The following LRFN5 variants were observed in gnomAD, a reference collection of about 807,000 sequenced individuals.
LRFN5 encodes leucine rich repeat and fibronectin type III domain containing 5, also known as leucine-rich repeat and fibronectin type-III domain-containing protein 5.
LRFN5 carries 24 observed loss-of-function variants against 45.6 expected under a neutral mutation model. The ratio of observed to expected loss-of-function variants is 0.53; its 90% CI spans 0.38 to 0.74. The LOEUF (loss-of-function observed/expected upper bound fraction) is 0.74. LRFN5 is among the 30% of genes least tolerant of loss of function. The pLI is 0.00. For synonymous variants in LRFN5, 340 were observed against 313.8 expected, an observed-to-expected ratio of 1.08 and a Z score of -0.88; for missense variants, 776 against 861.5, an observed-to-expected ratio of 0.90 and a Z score of 1.24.
At chr14:41,880,112 A>G (rs1345260904) in intron 2 of LRFN5, among the ~76,000 whole-genome samples, 2 of 151,202 alleles carry the variant, frequency 1.3e-5, no homozygotes, top group Non-Finnish European at 2.9e-5. Flanking sequence ...TATTTTTAGT[A>G]GAGATGGGGT....
chr14:41,895,105 T>G (rs1392832302), intron 4 of LRFN5: 18 of 959,116 alleles, frequency 1.9e-5, no homozygotes, highest in Non-Finnish European at 2.2e-5. Context: ...GATGTTTACT[T>G]CAAACTTTTT....
intron 1 of LRFN5, among the ~76,000 whole-genome samples, chr14:41,610,963 A>G (rs893739109): frequency 3.3e-5 from 5 of 152,136 alleles, no homozygotes; most frequent in Admixed American, 1.3e-4. Context: ...ACTCATACCT[A>G]TCTAGAGAGT....
At chr14:41,729,543 G>A (rs567729784) in intron 1 of LRFN5, among the ~76,000 whole-genome samples, 2 of 152,032 alleles carry the variant, frequency 1.3e-5, no homozygotes, top group South Asian at 2.1e-4. Context: ...CAACATTATA[G>A]TATTACCTAT....
chr14:41,688,760 T>C (rs1882232803), intron 1 of LRFN5, among the ~76,000 whole-genome samples: 2 of 152,038 alleles, frequency 1.3e-5, no homozygotes, highest in Admixed American at 6.6e-5. Flanking sequence ...CAGAGGTCAA[T>C]GTAGACCTGG....
chr14:41,737,143 C>T (rs1259333613), intron 1 of LRFN5, among the ~76,000 whole-genome samples: 2 of 152,112 alleles, frequency 1.3e-5, no homozygotes, highest in Non-Finnish European at 2.9e-5. Context: ...CATTAAAAAG[C>T]CTATCCACCA....
chr14:41,816,851 A>C (rs1887935484), intron 2 of LRFN5, among the ~76,000 whole-genome samples: 1 of 151,994 alleles, frequency 6.6e-6, no homozygotes, highest in African/African-American at 2.4e-5. Context: ...GTGGTTTCAA[A>C]TATTTACTAT....
chr14:41,877,927 A>G (rs1890242324), intron 2 of LRFN5, among the ~76,000 whole-genome samples: 1 of 152,098 alleles, frequency 6.6e-6, no homozygotes, highest in African/African-American at 2.4e-5. Flanking sequence ...AATTTATTAC[A>G]TTCAATGTAC....
rs1211996024 is a variant in LRFN5 at position 41,764,973 on chromosome 14, T to A, written c.-196-1881T>A. ...ACTTTACCAGCTAAGATTACGCTTATGGTAGATGTGCACTGTTAGAATGGA... is the reference window on the plus strand; with the variant it reads ...ACTTTACCAGCTAAGATTACGCTTAAGGTAGATGTGCACTGTTAGAATGGA... On this transcript the variant is annotated intron_variant, in intron 1 of 5. Transcript: ENST00000298119. Among the ~76,000 whole-genome samples the A allele has an allele frequency of 2.0e-5, 3 of 152,224 alleles. No homozygotes were observed. The East Asian group carries it at 5.8e-4, about 29-fold the overall frequency.
At chr14:41,732,592 A>C (rs978866526) in intron 1 of LRFN5, among the ~76,000 whole-genome samples, 1 of 152,164 alleles carries the variant, frequency 6.6e-6, no homozygotes, top group Non-Finnish European at 1.5e-5. Flanking sequence ...AAAACGAAAC[A>C]TAAACAAAAA....
intron 2 of LRFN5, among the ~76,000 whole-genome samples, chr14:41,841,329 C>T (rs1359599161): frequency 1.3e-5 from 2 of 151,878 alleles, no homozygotes; most frequent in African/African-American, 4.8e-5. Flanking sequence ...AATGGCTTCA[C>T]TGGATGGAAA....
At chr14:41,896,239 C>A (rs538407825) in intron 4 of LRFN5, among the ~76,000 whole-genome samples, 1 of 152,134 alleles carries the variant, frequency 6.6e-6, no homozygotes, top group Admixed American at 6.5e-5. Context: ...GCAAATTAGA[C>A]ATTTCTTAAG....
intron 2 of LRFN5, among the ~76,000 whole-genome samples, chr14:41,873,424 A>G (rs1326104694): frequency 3.1e-5 from 1 of 32,672 alleles, no homozygotes; most frequent in African/African-American, 7.8e-5. Context: ...AGAGACAGAG[A>G]GAGAGAGAGA....
intron 3 of LRFN5, among the ~76,000 whole-genome samples, chr14:41,889,506 C>T (rs1331061732): frequency 1.3e-5 from 2 of 152,046 alleles, no homozygotes; most frequent in Non-Finnish European, 2.9e-5. Context: ...CCCTCCCCAC[C>T]CCACACTTTT....
intron 2 of LRFN5, among the ~76,000 whole-genome samples, chr14:41,884,109 C>T (rs1212382916): frequency 6.6e-6 from 1 of 152,176 alleles, no homozygotes; most frequent in African/African-American, 2.4e-5. Flanking sequence ...AGACTCTGCT[C>T]TCCAATCTTT....
chr14:41,838,960 G>C (rs1888761465), intron 2 of LRFN5, among the ~76,000 whole-genome samples: 1 of 151,982 alleles, frequency 6.6e-6, no homozygotes, highest in South Asian at 2.1e-4. Flanking sequence ...TCTCCCTTAT[G>C]GAGACAGGGA....
At chr14:41,874,368 C>G (rs565219533) in intron 2 of LRFN5, among the ~76,000 whole-genome samples, 4 of 152,298 alleles carry the variant, frequency 2.6e-5, no homozygotes, top group South Asian at 2.1e-4. Flanking sequence ...GATCTTTTTA[C>G]TCTGATGCTT....
intron 1 of LRFN5, among the ~76,000 whole-genome samples, chr14:41,622,929 T>C (rs563075276): frequency 2.6e-5 from 4 of 152,280 alleles, no homozygotes; most frequent in Admixed American, 6.5e-5. Flanking sequence ...AATAATTTAA[T>C]TTTAAGCTTA....
chr14:41,630,014 C>A (rs1321278900), intron 1 of LRFN5, among the ~76,000 whole-genome samples: 2 of 152,058 alleles, frequency 1.3e-5, no homozygotes, highest in African/African-American at 4.8e-5. Flanking sequence ...ATATATTTAG[C>A]TTCTTTCAAT....
intron 2 of LRFN5, among the ~76,000 whole-genome samples, chr14:41,857,672 C>T (rs1260910829): frequency 1.3e-5 from 2 of 152,202 alleles, no homozygotes; most frequent in African/African-American, 2.4e-5. Flanking sequence ...AATACACATA[C>T]TCTGGACTTG....
Sources: gnomAD v4.1 joint callset for allele counts (sites outside exome capture counted in the v4.1 genomes callset) on GRCh38, gnomAD v4.1.1 for gene constraint, MANE v1.5 for transcripts, NCBI Gene and HGNC (gene_info 2026-07-23, HGNC 2026-07-21) for gene names.